The following PHF24 variants were observed in gnomAD, a reference collection of about 807,000 sequenced individuals.
PHF24 encodes the protein Galpha inhibitory interacting protein.
Under a neutral mutation model 42.6 loss-of-function variants are expected in PHF24, and 25 were observed. The observed-to-expected ratio is 0.59, with a 90% confidence interval of 0.43 to 0.82. PHF24 has a LOEUF of 0.82. PHF24 is among the 40% of genes least tolerant of loss of function. The pLI is 0.00. For synonymous variants in PHF24, 185 were observed against 204.8 expected, an observed-to-expected ratio of 0.90 and a Z score of 0.83; for missense variants, 470 against 538.1, an observed-to-expected ratio of 0.87 and a Z score of 1.25.
the PHF24 span, among the ~76,000 whole-genome samples, chr9:34,863,138 T>C: frequency 6.6e-6 from 1 of 151,948 alleles, no homozygotes; most frequent in African/African-American, 2.4e-5. Context: ...TTTCTAAGGT[T>C]CCCAACTCCA....
At chr9:34,727,805 T>C in the PHF24 span, among the ~76,000 whole-genome samples, 7 of 152,348 alleles carry the variant, frequency 4.6e-5, no homozygotes, top group South Asian at 8.3e-4. Flanking sequence ...GTAGAACTGC[T>C]GTTACCCTAG....
the PHF24 span, among the ~76,000 whole-genome samples, chr9:34,849,714 T>C: frequency 2.0e-5 from 3 of 152,368 alleles, no homozygotes; most frequent in African/African-American, 7.2e-5. Context: ...CTTTACAATT[T>C]GGCATGATTT....
the PHF24 span, among the ~76,000 whole-genome samples, chr9:34,676,295 A>G: frequency 6.6e-6 from 1 of 152,092 alleles, no homozygotes; most frequent in Non-Finnish European, 1.5e-5. Flanking sequence ...AGGCCAAGGC[A>G]GGTGGATCAC....
the PHF24 span, among the ~76,000 whole-genome samples, chr9:34,809,955 C>CTT: frequency 7.1e-6 from 1 of 140,642 alleles, no homozygotes; most frequent in African/African-American, 2.5e-5. The surrounding 1 kb of genome is among the most constrained non-coding windows in gnomAD (Gnocchi z 4.1). Context: ...CGGAACGCAG[C>CTT]GCGCGCCCAC....
the PHF24 span, among the ~76,000 whole-genome samples, chr9:34,693,067 T>C: frequency 6.6e-6 from 1 of 152,182 alleles, no homozygotes; most frequent in African/African-American, 2.4e-5. Flanking sequence ...TCCCAAAGTG[T>C]TGGGATTACA....
the PHF24 span, among the ~76,000 whole-genome samples, chr9:34,793,327 T>A: frequency 6.6e-6 from 1 of 152,198 alleles, no homozygotes; most frequent in Non-Finnish European, 1.5e-5. Context: ...TTTCTTTCTT[T>A]CACACTGTGT....
At chr9:34,893,795 G>A in the PHF24 span, among the ~76,000 whole-genome samples, 61 of 152,184 alleles carry the variant, frequency 4.0e-4, no homozygotes, top group Middle Eastern at 3.4e-3. Flanking sequence ...GGAGCCAGGC[G>A]GTTAGCTGAT....
At chr9:34,924,882 G>A in the PHF24 span, among the ~76,000 whole-genome samples, 1 of 152,052 alleles carries the variant, frequency 6.6e-6, no homozygotes, top group Non-Finnish European at 1.5e-5. Context: ...TTTTGCAGTT[G>A]GGTGGTTTTC....
chr9:34,980,758 A>T (rs978653978), exon 8 of PHF24: 6 of 152,250 alleles, frequency 3.9e-5, no homozygotes, highest in Non-Finnish European at 8.8e-5. Context: ...TTTGGCTCTA[A>T]TAAGGGTATG....
the PHF24 span, among the ~76,000 whole-genome samples, chr9:34,848,136 C>T: frequency 1.3e-5 from 2 of 150,466 alleles, no homozygotes; most frequent in Non-Finnish European, 3.0e-5. Flanking sequence ...GGGAGGATTC[C>T]CTCTTTTTCT....
chr9:34,977,447 C>T, intron 6 of PHF24, 99 bp from the exon 7 acceptor site: 1 of 1,322,978 alleles, frequency 7.6e-7, no homozygotes. Context: ...GTCAGAAGAG[C>T]CTGGATGAGC....
the PHF24 span, among the ~76,000 whole-genome samples, chr9:34,851,785 A>C: frequency 6.6e-6 from 1 of 152,124 alleles, no homozygotes; most frequent in East Asian, 1.9e-4. Context: ...GTTAACTTTG[A>C]CTGTGTAAAA....
the PHF24 span, chr9:34,708,984 TAAA>T: frequency 5.3e-6 from 1 of 188,264 alleles, no homozygotes. Flanking sequence ...TCGGTGGACA[TAAA>T]CACATGGGAA....
At chr9:34,693,219 AT>A in the PHF24 span, among the ~76,000 whole-genome samples, 1 of 152,044 alleles carries the variant, frequency 6.6e-6, no homozygotes, top group Non-Finnish European at 1.5e-5. Context: ...CAGCCTATCC[AT>A]TCTCCACTCT....
At chr9:34,884,042 A>G in the PHF24 span, among the ~76,000 whole-genome samples, 3 of 152,246 alleles carry the variant, frequency 2.0e-5, no homozygotes, top group African/African-American at 7.2e-5. Flanking sequence ...GTCATAAAAA[A>G]GGGTGAGTTC....
chr9:34,759,924 G>C, the PHF24 span, among the ~76,000 whole-genome samples: 1 of 152,186 alleles, frequency 6.6e-6, no homozygotes, highest in African/African-American at 2.4e-5. Flanking sequence ...TTATTTACTG[G>C]TTTGGGACTC....
chr9:34,779,324 A>C, the PHF24 span, among the ~76,000 whole-genome samples: 3 of 152,162 alleles, frequency 2.0e-5, no homozygotes, highest in Non-Finnish European at 4.4e-5. Context: ...GAAATGATTA[A>C]ATTAGTAATT....
chr9:34,915,920 ACCACC>A, the PHF24 span, among the ~76,000 whole-genome samples: 4 of 151,562 alleles, frequency 2.6e-5, no homozygotes, highest in African/African-American at 9.7e-5. Flanking sequence ...CCCCCCCCAC[ACCACC>A]CCACCACCAA....
the PHF24 span, among the ~76,000 whole-genome samples, chr9:34,737,665 G>A: frequency 6.6e-6 from 1 of 152,170 alleles, no homozygotes; most frequent in African/African-American, 2.4e-5. Context: ...AACAATGTAT[G>A]ACGAACCCTA....
Sources: gnomAD v4.1 joint callset for allele counts (sites outside exome capture counted in the v4.1 genomes callset) on GRCh38, gnomAD v4.1.1 for gene constraint, Gnocchi (gnomAD v3.1) non-coding constraint, MANE v1.5 for transcripts, NCBI Gene and HGNC (gene_info 2026-07-23, HGNC 2026-07-21) for gene names.